The following ITPR1 variants were observed in gnomAD, a reference collection of about 807,000 sequenced individuals.
ITPR1 encodes inositol 1,4,5-trisphosphate receptor type 1, also known as inositol 1,4,5-trisphosphate-gated calcium channel ITPR1.
ITPR1 carries 96 observed loss-of-function variants against 318.4 expected under a neutral mutation model. That is an observed-to-expected ratio of 0.30 (90% CI 0.26 to 0.36). The LOEUF is 0.36. Among genes scored for constraint, ITPR1 ranks in the 10% least tolerant of loss-of-function variants. ITPR1 has a pLI of 1.00. For synonymous variants in ITPR1, 1,312 were observed against 1,289.9 expected (o/e 1.02, Z -0.37); for missense variants, 2,440 against 3,460.2 (o/e 0.71, Z 7.40).
chr3:4,840,286 G>T (rs964528550), intron 61 of ITPR1, among the ~76,000 whole-genome samples: 1 of 152,040 alleles, frequency 6.6e-6, no homozygotes, highest in Admixed American at 6.5e-5. Flanking sequence ...AATAGTAATT[G>T]TGAGAATTCT....
At chr3:4,777,805 A>G (rs950934742) in intron 48 of ITPR1, among the ~76,000 whole-genome samples, 1 of 152,068 alleles carries the variant, frequency 6.6e-6, no homozygotes, top group African/African-American at 2.4e-5. Flanking sequence ...AAAAAACCCA[A>G]AAAAACAAAC....
chr3:4,734,469 A>G (rs1171513871), intron 43 of ITPR1, among the ~76,000 whole-genome samples: 3 of 152,226 alleles, frequency 2.0e-5, no homozygotes, highest in Non-Finnish European at 2.9e-5. Flanking sequence ...CAGATAGACA[A>G]TTTTCTGCCT....
chr3:4,567,552 G>A (rs2087448415), intron 4 of ITPR1, among the ~76,000 whole-genome samples: 1 of 152,086 alleles, frequency 6.6e-6, no homozygotes. Flanking sequence ...GTGGGCTTGG[G>A]GGCTGAGGTG....
Position 4,783,887 on chromosome 3 carries a change from G to A in ITPR1, c.6582G>A (p.Leu2194=). Residue 2194 remains leucine (L), a synonymous_variant, in exon 51 of 62, where the codon CTG becomes CTA. Transcript: ENST00000649015. ...GCCAAGTGGACGGAGATGAAGCCCT[G>A]GAGTTTTATGCCAAGCACACGGCGC... The part of the protein sequence containing the change: ...PGGQVDGDEA[L]EFYAKHTAQI... The A allele has an allele frequency of 1.2e-6, 2 of 1,609,692 alleles. No homozygotes were observed. Among genetic ancestry groups the A allele is most frequent in the Non-Finnish European group, 1.7e-6 (2 of 1,178,090 alleles).
At chr3:4,695,422 T>G (rs2094542201) in intron 33 of ITPR1, among the ~76,000 whole-genome samples, 1 of 151,640 alleles carries the variant, frequency 6.6e-6, no homozygotes, top group African/African-American at 2.4e-5. Flanking sequence ...ACAACGGAAG[T>G]GCAAAAAAGT....
intron 4 of ITPR1, among the ~76,000 whole-genome samples, chr3:4,581,900 T>TA (rs2089382342): frequency 1.3e-5 from 2 of 152,144 alleles, no homozygotes; most frequent in Non-Finnish European, 2.9e-5. Context: ...TTAAAAGAAA[T>TA]AGTCTGTTTG....
At chr3:4,547,587 G>T (rs1259611555) in intron 4 of ITPR1, among the ~76,000 whole-genome samples, 1 of 152,156 alleles carries the variant, frequency 6.6e-6, no homozygotes, top group East Asian at 1.9e-4. Context: ...TCAAGTACTG[G>T]CTTTACCATT....
rs2043187168 is a variant in ITPR1, at chr3:4,735,181, A to G, written c.5371A>G (p.Ser1791Gly). 7 of 1,613,414 alleles carry G rather than the reference A, an allele frequency of 4.3e-6. No homozygotes were observed. The highest frequency in any genetic ancestry group is 5.9e-6 in the Non-Finnish European group (7 of 1,179,338). ...CTTCTTAGGGGGAGGTTCCGGATCC[A>G]GCTCTATGAGCAGGGGTGAGATGAG... ...PGGGGGGSGSSSMSRGEMSLA... is the reference protein window; with the variant it reads ...PGGGGGGSGSGSMSRGEMSLA... The change falls in exon 44 of 62, where the codon AGC (serine) becomes GGC (glycine). Residue 1791 changes from serine (S) to glycine (G), a missense_variant. Physicochemically the swap from Ser to Gly is moderately conservative, Grantham distance 56. Transcript: ENST00000649015.
intron 52 of ITPR1, among the ~76,000 whole-genome samples, chr3:4,794,681 C>T (rs899580584): frequency 1.3e-5 from 2 of 152,098 alleles, no homozygotes; most frequent in Non-Finnish European, 2.9e-5. Flanking sequence ...ATTTTTGGGT[C>T]TCTCCGGGCA....
intron 5 of ITPR1, among the ~76,000 whole-genome samples, chr3:4,630,164 T>C (rs1174981374): frequency 1.3e-5 from 2 of 152,310 alleles, no homozygotes; most frequent in East Asian, 1.9e-4. Flanking sequence ...CAGGGATGAC[T>C]GCTCTGGAAG....
intron 61 of ITPR1, among the ~76,000 whole-genome samples, chr3:4,841,268 G>A (rs1559993644): frequency 1.3e-5 from 2 of 152,192 alleles, no homozygotes; most frequent in African/African-American, 4.8e-5. Context: ...GCACAAAGAA[G>A]TAGGTAGGTA....
In ITPR1 at chr3:4,516,992, C is replaced by CAAAG. The variant is rs1311211243; in HGVS notation, c.92+411_92+414dup. On this transcript the variant is annotated intron_variant, in intron 3 of 61. Coordinates refer to ENST00000649015, the MANE Select transcript of ITPR1 (RefSeq NM_001378452.1). ...GATAGTGACTCCTTTATAATATAAGCAAAGACCAAACCTCCTGGGCTGCCT... is the reference window on the plus strand; with the variant it reads ...GATAGTGACTCCTTTATAATATAAGCAAAGAAAGACCAAACCTCCTGGGCTGCCT... Among the ~76,000 whole-genome samples, 12 of 152,262 alleles carry CAAAG rather than the reference C, an allele frequency of 7.9e-5. No homozygotes were observed. In the South Asian group the frequency reaches 2.5e-3, roughly 32 times the overall value.
At chr3:4,736,037 G>A (rs981472121) in intron 44 of ITPR1, among the ~76,000 whole-genome samples, 17 of 152,178 alleles carry the variant, frequency 1.1e-4, no homozygotes, top group African/African-American at 4.1e-4. Flanking sequence ...CTTAGAACAT[G>A]AATTTTAATA....
chr3:4,765,891 T>TA (rs1304117964), intron 44 of ITPR1, among the ~76,000 whole-genome samples: 1 of 152,236 alleles, frequency 6.6e-6, no homozygotes, highest in Admixed American at 6.5e-5. Context: ...TAACCACTCT[T>TA]ACCTGTCCTT....
intron 4 of ITPR1, among the ~76,000 whole-genome samples, chr3:4,537,011 G>A (rs1490596926): frequency 6.6e-6 from 1 of 152,156 alleles, no homozygotes; most frequent in East Asian, 1.9e-4. Context: ...TGCAGCAGGG[G>A]CTCAGGAAAA....
At chr3:4,494,099 T>A (rs1354837919) in intron 1 of ITPR1, among the ~76,000 whole-genome samples, 3 of 152,216 alleles carry the variant, frequency 2.0e-5, no homozygotes, top group Non-Finnish European at 4.4e-5. Flanking sequence ...TCATGTCCAA[T>A]GAGGATGCGG....
At chr3:4,555,897 T>G (rs1178145227) in intron 4 of ITPR1, among the ~76,000 whole-genome samples, 1 of 152,118 alleles carries the variant, frequency 6.6e-6, no homozygotes, top group Non-Finnish European at 1.5e-5. Context: ...CAGGAAGAAA[T>G]TAAACCATCT....
At chr3:4,743,612 C>T (rs2043861540) in intron 44 of ITPR1, among the ~76,000 whole-genome samples, 1 of 152,136 alleles carries the variant, frequency 6.6e-6, no homozygotes, top group African/African-American at 2.4e-5. Flanking sequence ...TTCATGCTTC[C>T]AGAGGAGCTG....
intron 44 of ITPR1, among the ~76,000 whole-genome samples, chr3:4,764,702 A>C (rs1301150000): frequency 6.6e-6 from 1 of 152,212 alleles, no homozygotes; most frequent in Non-Finnish European, 1.5e-5. Flanking sequence ...TAGGAATATA[A>C]GAATAGGGCA....
Sources: allele counts gnomAD v4.1 joint callset (sites outside exome capture counted in the v4.1 genomes callset), GRCh38; gene constraint gnomAD v4.1.1; transcripts MANE v1.5; gene names NCBI Gene and HGNC (gene_info 2026-07-23, HGNC 2026-07-21).